Variants in XYLT1 observed in about 807,000 individuals in gnomAD.
XYLT1 encodes the protein xylosyltransferase 1.
In XYLT1, 36 loss-of-function variants were observed where a neutral mutation model predicts 91.3. The ratio of observed to expected loss-of-function variants is 0.39; its 90% confidence interval spans 0.30 to 0.52. The LOEUF is 0.52. XYLT1 is among the 20% of genes least tolerant of loss of function. The pLI is 0.68. For synonymous variants in XYLT1, 588 were observed against 532.0 expected (o/e 1.11, Z -1.45); for missense variants, 1,242 against 1,284.5 (o/e 0.97, Z 0.51).
intron 8 of XYLT1, among the ~76,000 whole-genome samples, chr16:17,135,911 A>C (rs1321035093): frequency 6.6e-6 from 1 of 152,268 alleles, no homozygotes; most frequent in African/African-American, 2.4e-5. Flanking sequence ...AACTTCATTT[A>C]TAGAAGCAGG....
At chr16:17,246,481 C>T (rs1301330958) in intron 3 of XYLT1, among the ~76,000 whole-genome samples, 1 of 152,190 alleles carries the variant, frequency 6.6e-6, no homozygotes, top group Non-Finnish European at 1.5e-5. Context: ...AAGGGTACCA[C>T]AGAGCAGACA....
rs777810298 is a variant in XYLT1, at chr16:17,197,030, TAG to T, written c.1289+1180_1289+1181del. On this transcript the variant is annotated intron_variant, in intron 5 of 11. Coordinates refer to ENST00000261381, the MANE Select transcript of XYLT1 (RefSeq NM_022166.4). ...TGTCTCCAAAATATATATATATATATAGATATATATACCGTTCAGAATATCAT... is the reference window on the plus strand; with the variant it reads ...TGTCTCCAAAATATATATATATATATATATATATACCGTTCAGAATATCAT... Among the ~76,000 whole-genome samples the T allele has an allele frequency of 5.6e-3, 466 of 82,814 alleles. 60 individuals carry two copies. The highest frequency in any genetic ancestry group is 0.025 in the African/African-American group (397 of 15,892). 54.3% of individuals were successfully genotyped at this position (82,814 alleles called of 152,430 possible).
At chr16:17,209,082 C>T (rs2032711375) in intron 3 of XYLT1, among the ~76,000 whole-genome samples, 1 of 152,166 alleles carries the variant, frequency 6.6e-6, no homozygotes, top group Admixed American at 6.5e-5. Flanking sequence ...CACTGTTGTG[C>T]AACTATTATC....
intron 5 of XYLT1, among the ~76,000 whole-genome samples, chr16:17,174,277 T>C (rs956156763): frequency 2.0e-5 from 3 of 152,224 alleles, no homozygotes; most frequent in African/African-American, 7.2e-5. Context: ...ATTGTAATAC[T>C]GAAAAGAATG....
chr16:17,467,312 G>A (rs1001702573), intron 1 of XYLT1, among the ~76,000 whole-genome samples: 2 of 152,176 alleles, frequency 1.3e-5, no homozygotes, highest in African/African-American at 4.8e-5. Context: ...ATTAACACAC[G>A]CAGCTCTCTT....
intron 1 of XYLT1, among the ~76,000 whole-genome samples, chr16:17,379,939 G>A (rs1442147450): frequency 6.6e-6 from 1 of 152,136 alleles, no homozygotes; most frequent in Non-Finnish European, 1.5e-5. Context: ...GATAGTTCTG[G>A]AAGAAATATG....
intron 3 of XYLT1, among the ~76,000 whole-genome samples, chr16:17,208,779 CT>C (rs1347209253): frequency 1.3e-5 from 2 of 152,158 alleles, no homozygotes; most frequent in African/African-American, 2.4e-5. Context: ...GGCTGGAGTG[CT>C]GTGGCACAAT....
At chr16:17,428,026 T>G (rs1468063836) in intron 1 of XYLT1, among the ~76,000 whole-genome samples, 2 of 152,194 alleles carry the variant, frequency 1.3e-5, no homozygotes, top group African/African-American at 2.4e-5. Context: ...CGTCTCACTC[T>G]GTCGCCCAGG....
At chr16:17,360,642 A>G (rs1319937261) in intron 1 of XYLT1, among the ~76,000 whole-genome samples, 1 of 152,200 alleles carries the variant, frequency 6.6e-6, no homozygotes, top group Non-Finnish European at 1.5e-5. Flanking sequence ...CTCTCCCTAA[A>G]GAGCCTCAGT....
chr16:17,155,185 T>C (rs142850771), intron 6 of XYLT1, among the ~76,000 whole-genome samples: 186 of 152,276 alleles, frequency 1.2e-3, no homozygotes, highest in Non-Finnish European at 2.1e-3. Context: ...CTCACTTGGG[T>C]GTGAGTCCTC....
At chr16:17,143,177 G>A (rs574057412) in intron 6 of XYLT1, among the ~76,000 whole-genome samples, 80 of 152,252 alleles carry the variant, frequency 5.3e-4, no homozygotes, top group Non-Finnish European at 1.0e-3. Context: ...TGGGCCAAAC[G>A]CTCAGTCCAT....
At chr16:17,383,205 C>A (rs917299169) in intron 1 of XYLT1, among the ~76,000 whole-genome samples, 1 of 151,880 alleles carries the variant, frequency 6.6e-6, no homozygotes, top group Non-Finnish European at 1.5e-5. Context: ...AGGAAATGCA[C>A]AGCAGCTTCA....
chr16:17,130,444 T>G (rs1031242457), intron 9 of XYLT1, among the ~76,000 whole-genome samples: 1 of 142,938 alleles, frequency 7.0e-6, no homozygotes, highest in African/African-American at 2.6e-5. Flanking sequence ...CCAAAAAATT[T>G]AGAAGTCAAT....
At chr16:17,365,028 T>C (rs1334545053) in intron 1 of XYLT1, among the ~76,000 whole-genome samples, 1 of 152,212 alleles carries the variant, frequency 6.6e-6, no homozygotes, top group Non-Finnish European at 1.5e-5. Flanking sequence ...ATACGATTCC[T>C]GCCTCTGATC....
chr16:17,191,807 T>A (rs956227622), intron 5 of XYLT1, among the ~76,000 whole-genome samples: 1 of 152,230 alleles, frequency 6.6e-6, no homozygotes, highest in Non-Finnish European at 1.5e-5. Context: ...CTGCAGTTAA[T>A]GTAACTTACA....
chr16:17,459,539 A>G (rs2036787910), intron 1 of XYLT1, among the ~76,000 whole-genome samples: 1 of 152,120 alleles, frequency 6.6e-6, no homozygotes, highest in Non-Finnish European at 1.5e-5. Context: ...CTCGTTTAGG[A>G]CTACTATGGC....
chr16:17,468,620 CAG>C (rs886818136), intron 1 of XYLT1, among the ~76,000 whole-genome samples: 2 of 152,202 alleles, frequency 1.3e-5, no homozygotes, highest in African/African-American at 4.8e-5. Context: ...GCCGAGCACA[CAG>C]AGAGGGGCTG....
At chr16:17,464,042 CAAG>C (rs1351388007) in intron 1 of XYLT1, among the ~76,000 whole-genome samples, 5 of 151,948 alleles carry the variant, frequency 3.3e-5, no homozygotes, top group Non-Finnish European at 7.4e-5. Context: ...AAGTAGATGA[CAAG>C]AAGATAGAGA....
intron 9 of XYLT1, among the ~76,000 whole-genome samples, chr16:17,133,700 A>G (rs952393470): frequency 6.6e-6 from 1 of 152,202 alleles, no homozygotes; most frequent in African/African-American, 2.4e-5. Context: ...ACACAACGTG[A>G]AAGTCTTGAC....
Sources: allele counts gnomAD v4.1 joint callset (sites outside exome capture counted in the v4.1 genomes callset), GRCh38; gene constraint gnomAD v4.1.1; transcripts MANE v1.5; gene names NCBI Gene and HGNC (gene_info 2026-07-23, HGNC 2026-07-21).